The following STPG2 variants were observed in gnomAD, a reference collection of about 807,000 sequenced individuals.
STPG2 encodes sperm-tail PG-rich repeat-containing protein 2.
Under a neutral mutation model 54.2 loss-of-function variants are expected in STPG2, and 56 were observed. The observed-to-expected ratio is 1.03, with a 90% CI of 0.83 to 1.29. The LOEUF is 1.29. STPG2 is among the 50% of genes most tolerant of loss of function. The pLI is 0.00. For synonymous variants in STPG2, 200 were observed against 181.8 expected, an observed-to-expected ratio of 1.10 and a Z score of -0.81; for missense variants, 596 against 544.9, an observed-to-expected ratio of 1.09 and a Z score of -0.93.
intron 5 of STPG2, among the ~76,000 whole-genome samples, chr4:98,007,371 C>T (rs555408961): frequency 1.2e-4 from 18 of 152,118 alleles, no homozygotes; most frequent in Non-Finnish European, 2.4e-4. Context: ...TCAAAAAATT[C>T]ATAGATTCTT....
chr4:97,546,295 C>T (rs544428742), intron 4 of STPG2, among the ~76,000 whole-genome samples: 2 of 151,680 alleles, frequency 1.3e-5, no homozygotes, highest in East Asian at 3.9e-4. Flanking sequence ...TTTCTAAAGG[C>T]CATTTTCTAA....
chr4:98,065,410 C>T (rs1325965518), intron 5 of STPG2, among the ~76,000 whole-genome samples: 3 of 152,054 alleles, frequency 2.0e-5, no homozygotes, highest in Non-Finnish European at 2.9e-5. Context: ...TTCTATACCA[C>T]TTATAGCCAC....
At chr4:97,664,833 G>A (rs1722473399) in intron 10 of STPG2, among the ~76,000 whole-genome samples, 1 of 152,054 alleles carries the variant, frequency 6.6e-6, no homozygotes, top group Admixed American at 6.5e-5. Flanking sequence ...ACTCGGCTGG[G>A]CAGGCTGTAT....
chr4:97,770,491 C>T (rs1222586145), intron 9 of STPG2, among the ~76,000 whole-genome samples: 3 of 152,126 alleles, frequency 2.0e-5, no homozygotes, highest in Non-Finnish European at 4.4e-5. Context: ...AGAGAGGCAG[C>T]TGCAGGCTAG....
At chr4:97,731,863 C>A (rs942639377) in intron 9 of STPG2, among the ~76,000 whole-genome samples, 2 of 152,202 alleles carry the variant, frequency 1.3e-5, no homozygotes, top group Non-Finnish European at 2.9e-5. Context: ...TGGGACCAGA[C>A]CTGCAGCTTT....
chr4:97,629,867 A>G (rs1721214155), intron 10 of STPG2, among the ~76,000 whole-genome samples: 1 of 151,996 alleles, frequency 6.6e-6, no homozygotes, highest in South Asian at 2.1e-4. Flanking sequence ...GAAATTTTGT[A>G]AGTGAAATAG....
At chr4:98,082,434 T>A (rs1470118903) in intron 5 of STPG2, among the ~76,000 whole-genome samples, 1 of 1,450 alleles carries the variant, frequency 6.9e-4, no homozygotes, top group East Asian at 0.022. Flanking sequence ...GCAGGTCCAC[T>A]TTTTTTTTTT....
intron 10 of STPG2, among the ~76,000 whole-genome samples, chr4:97,670,344 T>C (rs1330729662): frequency 6.6e-6 from 1 of 152,156 alleles, no homozygotes; most frequent in Non-Finnish European, 1.5e-5. Flanking sequence ...TCCAAAAAGA[T>C]TCCATAATTT....
At chr4:98,038,612 T>G (rs1578803969) in intron 5 of STPG2, among the ~76,000 whole-genome samples, 1 of 151,894 alleles carries the variant, frequency 6.6e-6, no homozygotes, top group East Asian at 1.9e-4. Context: ...AAAGAAAATA[T>G]AAAATAGCCT....
At chr4:98,004,469 C>A (rs1057245081) in intron 5 of STPG2, among the ~76,000 whole-genome samples, 2 of 152,134 alleles carry the variant, frequency 1.3e-5, no homozygotes, top group African/African-American at 4.8e-5. Context: ...GATATGTCTT[C>A]AACATACTGA....
At chr4:97,786,479 A>G (rs1194633516) in intron 9 of STPG2, among the ~76,000 whole-genome samples, 2 of 152,244 alleles carry the variant, frequency 1.3e-5, no homozygotes, top group East Asian at 3.9e-4. Context: ...GTTCAAATGC[A>G]GTAGCTCTCC....
chr4:97,583,096 T>A lies in STPG2; in HGVS notation c.1321-23979A>T, dbSNP rs374829225. Among the ~76,000 whole-genome samples, 5 of 152,008 alleles carry A rather than the reference T, an allele frequency of 3.3e-5. No homozygotes were observed. The East Asian group carries it at 9.6e-4, about 29-fold the overall frequency. ...TCATTTGTCAACTTGTAAGCAAATG[T>A]AGATTTGATGATTTCAGCTGTCATG... On this transcript the variant is annotated intron_variant, in intron 10 of 10. Transcript: ENST00000295268.
intron 5 of STPG2, among the ~76,000 whole-genome samples, chr4:98,004,697 G>A (rs62318471): frequency 0.39 from 59,611 of 151,598 alleles, 11,894 homozygotes; most frequent in Middle Eastern, 0.46. Flanking sequence ...GGTGGGAGAT[G>A]ATATCTCATT....
chr4:98,005,365 A>G (rs1735546168), intron 5 of STPG2, among the ~76,000 whole-genome samples: 1 of 152,194 alleles, frequency 6.6e-6, no homozygotes, highest in Non-Finnish European at 1.5e-5. Flanking sequence ...GTTGACACTT[A>G]GTATTAATCA....
chr4:97,663,981 T>C (rs1467521903), intron 10 of STPG2, among the ~76,000 whole-genome samples: 1 of 152,178 alleles, frequency 6.6e-6, no homozygotes, highest in Non-Finnish European at 1.5e-5. Context: ...TAGTATACCA[T>C]GAATTAAAGT....
chr4:97,875,837 GTCTT>G (rs1730153658), intron 8 of STPG2, among the ~76,000 whole-genome samples: 2 of 151,780 alleles, frequency 1.3e-5, no homozygotes, highest in East Asian at 1.9e-4. Context: ...AGATTGATTT[GTCTT>G]TCTTTCATTT....
chr4:97,977,698 C>CAT (rs1265379571), intron 6 of STPG2, among the ~76,000 whole-genome samples: 1 of 152,132 alleles, frequency 6.6e-6, no homozygotes, highest in Non-Finnish European at 1.5e-5. Flanking sequence ...AGCACCAGGG[C>CAT]TAGTCAAGAC....
intron 9 of STPG2, among the ~76,000 whole-genome samples, chr4:97,787,016 T>G (rs1726848344): frequency 1.3e-5 from 2 of 152,144 alleles, no homozygotes; most frequent in Admixed American, 6.6e-5. Flanking sequence ...GGAACGTATC[T>G]TCCTGGATTA....
chr4:98,046,542 C>G (rs1450921385), intron 5 of STPG2, among the ~76,000 whole-genome samples: 1 of 152,150 alleles, frequency 6.6e-6, no homozygotes, highest in Admixed American at 6.5e-5. Flanking sequence ...AAAATCTCAT[C>G]TTTGCTCTTA....
Sources: allele counts gnomAD v4.1 joint callset (sites outside exome capture counted in the v4.1 genomes callset), GRCh38; gene constraint gnomAD v4.1.1; transcripts MANE v1.5; gene names NCBI Gene and HGNC (gene_info 2026-07-23, HGNC 2026-07-21).